The following ZDHHC9 variants were observed in gnomAD, a reference collection of about 807,000 sequenced individuals.
ZDHHC9 encodes the protein zDHHC palmitoyltransferase 9.
A neutral mutation model predicts 26.6 loss-of-function variants in ZDHHC9; 3 were observed. That is an observed-to-expected ratio of 0.11 (90% CI 0.05 to 0.29). ZDHHC9 has a LOEUF of 0.29. Among genes scored for constraint, ZDHHC9 ranks in the 10% least tolerant of loss-of-function variants. The pLI, the probability that ZDHHC9 is intolerant of heterozygous loss-of-function variation, is 1.00. For synonymous variants in ZDHHC9, 111 were observed against 109.4 expected (o/e 1.01, Z -0.09); for missense variants, 146 against 296.4 (o/e 0.49, Z 3.73).
At chrX:129,823,080 A>G (rs1927927506) in intron 5 of ZDHHC9, 1 of 114,085 alleles carries the variant, frequency 8.8e-6, no homozygotes, top group Non-Finnish European at 1.8e-5. Context: ...AGAAGAAATA[A>G]GCAGTTTGGA....
intron 3 of ZDHHC9, among the ~76,000 whole-genome samples, chrX:129,829,938 A>G (rs770304015): frequency 1.8e-5 from 2 of 111,701 alleles, no homozygotes; most frequent in South Asian, 3.8e-4. Context: ...AGGGCTCTCC[A>G]TAAGACAGGC....
At chrX:129,817,973 T>A (rs924156927) in intron 5 of ZDHHC9, among the ~76,000 whole-genome samples, 3 of 111,836 alleles carry the variant, frequency 2.7e-5, no homozygotes, top group African/African-American at 9.8e-5. Flanking sequence ...TTCTTTTGGC[T>A]ATTGTTATGG....
At position 129,804,997 on chromosome X, in the gene ZDHHC9, C is replaced by T. The variant is rs1927479563; in HGVS notation, c.*1373G>A. On this transcript the variant is annotated 3_prime_UTR_variant, in exon 11 of 11. Transcript: ENST00000357166. ...TGAAAAGTTCTGGTTTACACTCCCC[C>T]ACCGCATAAGTCATCCAGACAGGAC... 8.9e-6 allele frequency: 1 copy of T among 112,020 alleles called. No homozygotes were observed. The highest frequency in any genetic ancestry group is 1.9e-5 in the Non-Finnish European group (1 of 53,131). The allele number at this position is 112,020 out of a possible 1,213,427, so 9.2% of individuals were successfully genotyped here.
intron 4 of ZDHHC9, among the ~76,000 whole-genome samples, chrX:129,824,591 G>A (rs1927969255): frequency 2.7e-5 from 3 of 111,718 alleles, no homozygotes; most frequent in Non-Finnish European, 5.6e-5. Flanking sequence ...TGCCCAGCCA[G>A]CTACCAAAGT....
At chrX:129,824,903 T>A (rs1237736086) in intron 4 of ZDHHC9, among the ~76,000 whole-genome samples, 3 of 112,342 alleles carry the variant, frequency 2.7e-5, no homozygotes, top group African/African-American at 9.7e-5. Context: ...CATAAAACAA[T>A]ACTATCTTGC....
At chrX:129,840,929 G>A (rs921596935) in intron 3 of ZDHHC9, among the ~76,000 whole-genome samples, 10 of 110,424 alleles carry the variant, frequency 9.1e-5, no homozygotes, top group Non-Finnish European at 1.3e-4. Flanking sequence ...ACCATAGCAC[G>A]CTCACCTCAG....
intron 5 of ZDHHC9, among the ~76,000 whole-genome samples, 180 bp from the exon 6 acceptor site, chrX:129,814,975 C>T (rs1267713709): frequency 1.9e-5 from 2 of 107,646 alleles, no homozygotes; most frequent in Non-Finnish European, 3.8e-5. Flanking sequence ...TCATTTGATC[C>T]TCACAATTTC....
At chrX:129,829,243 A>C in intron 3 of ZDHHC9, 102 bp from the exon 4 acceptor site, 1 of 936,798 alleles carries the variant, frequency 1.1e-6, no homozygotes, top group Non-Finnish European at 1.5e-6. Flanking sequence ...AATCAGCAGC[A>C]CCTCAAGGGC....
chrX:129,834,228 T>C (rs760376025), intron 3 of ZDHHC9, among the ~76,000 whole-genome samples: 220 of 111,747 alleles, frequency 2.0e-3, no homozygotes, highest in Non-Finnish European at 3.5e-3. Context: ...ATCTTGTACT[T>C]GCCAGCCTCC....
At position 129,805,338 on chromosome X, in the gene ZDHHC9, T is replaced by G. The variant is rs1162615744; in HGVS notation, c.*1032A>C. The G allele has an allele frequency of 1.8e-5, 2 of 111,389 alleles. No homozygotes were observed. Among genetic ancestry groups the G allele is most frequent in the Admixed American group, 1.9e-4 (2 of 10,512 alleles). The allele number at this position is 111,389 out of a possible 1,213,427, so 9.2% of individuals were successfully genotyped here. On this transcript the variant is annotated 3_prime_UTR_variant, in exon 11 of 11. Coordinates refer to ENST00000357166, the MANE Select transcript of ZDHHC9 (RefSeq NM_016032.4). The stretch of plus-strand genomic sequence containing the variant: ...GAAGAACTGGTTAGCATTTTTTTTT[T>G]TTTGAGGGTACATCGGGGGAGAGGA...
At chrX:129,809,506 A>G (rs1927588001) in intron 10 of ZDHHC9, among the ~76,000 whole-genome samples, 1 of 111,909 alleles carries the variant, frequency 8.9e-6, no homozygotes, top group Admixed American at 9.5e-5. Context: ...AAATACCCAG[A>G]AGAGAGAAAT....
intron 10 of ZDHHC9, 115 bp from the exon 11 acceptor site, chrX:129,806,601 G>T: frequency 8.2e-6 from 5 of 608,855 alleles, no homozygotes; most frequent in Non-Finnish European, 1.1e-5. Flanking sequence ...TGATGCTACA[G>T]ATATGCAGCC....
intron 3 of ZDHHC9, among the ~76,000 whole-genome samples, chrX:129,829,753 A>T (rs1452359104): frequency 9.0e-6 from 1 of 111,684 alleles, no homozygotes; most frequent in Non-Finnish European, 1.9e-5. Flanking sequence ...TCAGCAAGAA[A>T]ATAAGAAAAT....
chrX:129,819,320 G>A (rs1927832017), intron 5 of ZDHHC9, among the ~76,000 whole-genome samples: 1 of 110,340 alleles, frequency 9.1e-6, no homozygotes, highest in African/African-American at 3.3e-5. Context: ...GAAAGGTATA[G>A]AGAAGAATGG....
intron 5 of ZDHHC9, among the ~76,000 whole-genome samples, chrX:129,822,530 T>C (rs963035355): frequency 3.6e-5 from 4 of 110,515 alleles, no homozygotes; most frequent in African/African-American, 6.6e-5. Flanking sequence ...GACAGGTTGA[T>C]AGGTGCAGCA....
intron 5 of ZDHHC9, 149 bp downstream of exon 5, chrX:129,823,530 G>T: frequency 1.6e-6 from 1 of 626,913 alleles, no homozygotes; most frequent in East Asian, 3.3e-5. Flanking sequence ...AGTTTTTCAG[G>T]AGCTTGTTGC....
chrX:129,823,888 CAA>C, intron 4 of ZDHHC9, 51 bp from the exon 5 acceptor site: 1 of 1,153,359 alleles, frequency 8.7e-7, no homozygotes, highest in Non-Finnish European at 1.2e-6. Flanking sequence ...CACTTGAGCC[CAA>C]AAGTCTCACC....
At chrX:129,806,609 G>T in intron 10 of ZDHHC9, 123 bp from the exon 11 acceptor site, 1 of 565,981 alleles carries the variant, frequency 1.8e-6, no homozygotes, top group Non-Finnish European at 2.9e-6. Flanking sequence ...CAGATATGCA[G>T]CCACCAACAC....
chrX:129,810,217 C>T (rs1260915658), intron 10 of ZDHHC9, among the ~76,000 whole-genome samples: 1 of 105,711 alleles, frequency 9.5e-6, no homozygotes, highest in African/African-American at 3.5e-5. Flanking sequence ...GGCATGGTGG[C>T]GGGCGCCTGT....
Sources: gnomAD v4.1 joint callset for allele counts (sites outside exome capture counted in the v4.1 genomes callset) on GRCh38, gnomAD v4.1.1 for gene constraint, MANE v1.5 for transcripts, NCBI Gene and HGNC (gene_info 2026-07-23, HGNC 2026-07-21) for gene names.